The following THEMIS variants were observed in gnomAD, a reference collection of about 807,000 sequenced individuals.
THEMIS encodes the protein thymocyte selection associated, also known as protein THEMIS.
THEMIS carries 37 observed loss-of-function variants against 52.6 expected under a neutral mutation model. The observed-to-expected ratio is 0.70, with a 90% CI of 0.54 to 0.93. The LOEUF is 0.93. THEMIS is among the 40% of genes least tolerant of loss of function. THEMIS has a pLI of 0.00. For missense variants in THEMIS, 808 were observed against 763.1 expected, an observed-to-expected ratio of 1.06 and a Z score of -0.69; for synonymous variants, 292 against 272.7, an observed-to-expected ratio of 1.07 and a Z score of -0.70.
intron 4 of THEMIS, among the ~76,000 whole-genome samples, chr6:127,746,910 T>TAAA (rs1775432902): frequency 1.6e-5 from 1 of 61,294 alleles, no homozygotes; most frequent in Non-Finnish European, 2.6e-5. Context: ...TTATATTATA[T>TAAA]ATAATTATAT....
chr6:127,881,242 G>A (rs1366943126), intron 1 of THEMIS, among the ~76,000 whole-genome samples: 1 of 151,876 alleles, frequency 6.6e-6, no homozygotes, highest in African/African-American at 2.4e-5. Context: ...TTTCTTTAGT[G>A]AATGTTTTAA....
At chr6:127,810,706 A>T (rs1777875276) in intron 4 of THEMIS, among the ~76,000 whole-genome samples, 1 of 152,134 alleles carries the variant, frequency 6.6e-6, no homozygotes, top group Non-Finnish European at 1.5e-5. Flanking sequence ...GATACCCTCC[A>T]ATCGTGCCTC....
At chr6:127,703,035 G>GGTTTTTTTTTTTTTTTTTT in the THEMIS span, among the ~76,000 whole-genome samples, 69 of 82,382 alleles carry the variant, frequency 8.4e-4, 14 homozygotes, top group Middle Eastern at 7.8e-3. Context: ...TTTAGAATGA[G>GGTTTTTTTTTTTTTTTTTT]TTTTTTTTTT....
intron 4 of THEMIS, among the ~76,000 whole-genome samples, chr6:127,756,734 C>T (rs992090394): frequency 3.3e-5 from 5 of 152,112 alleles, no homozygotes; most frequent in Admixed American, 6.6e-5. Flanking sequence ...TATGAGGCTG[C>T]AGTAATGTCA....
chr6:127,731,175 T>A (rs1352798416), intron 4 of THEMIS, among the ~76,000 whole-genome samples: 1 of 152,222 alleles, frequency 6.6e-6, no homozygotes, highest in Non-Finnish European at 1.5e-5. Flanking sequence ...AATTTATTTT[T>A]CCAGGCTTTT....
At chr6:127,864,792 G>A (rs930886889) in intron 1 of THEMIS, among the ~76,000 whole-genome samples, 3 of 152,080 alleles carry the variant, frequency 2.0e-5, no homozygotes, top group Admixed American at 6.6e-5. Flanking sequence ...TCAAAGGTCC[G>A]CATATCCACT....
chr6:127,851,585 A>C (rs1779426865), intron 2 of THEMIS, among the ~76,000 whole-genome samples: 1 of 151,810 alleles, frequency 6.6e-6, no homozygotes, highest in African/African-American at 2.4e-5. Flanking sequence ...CAAGCATATG[A>C]GAAGCATATC....
In THEMIS at chr6:127,873,428, G is replaced by T. The variant is rs543487411; in HGVS notation, c.92-18240C>A. ...TACAGTAATCAGAACTGTATAGTTA[G>T]TGGCAGAGGAATAGATATACGTATT... On this transcript the variant is annotated intron_variant, in intron 1 of 5. Transcript: ENST00000368248. 3.9e-5 allele frequency among the ~76,000 whole-genome samples: 6 copies of T among 152,268 alleles called. No homozygotes were observed. In the East Asian group the frequency reaches 1.2e-3, roughly 29 times the overall value.
chr6:127,703,310 G>T (rs548337814), downstream of THEMIS, among the ~76,000 whole-genome samples: 1 of 152,118 alleles, frequency 6.6e-6, no homozygotes, highest in South Asian at 2.1e-4. Context: ...GCCTCCCAAA[G>T]TGCTGGGATT....
chr6:127,877,390 T>C (rs927568757), intron 1 of THEMIS, among the ~76,000 whole-genome samples: 2 of 152,234 alleles, frequency 1.3e-5, no homozygotes, highest in Non-Finnish European at 2.9e-5. Flanking sequence ...CTTTAGCCTA[T>C]ATTGGCTTTT....
At chr6:127,763,864 C>T (rs973211273) in intron 4 of THEMIS, among the ~76,000 whole-genome samples, 2 of 151,608 alleles carry the variant, frequency 1.3e-5, no homozygotes, top group Non-Finnish European at 2.9e-5. Context: ...GAAGTTTTTC[C>T]CTGTTTCTTT....
intron 4 of THEMIS, among the ~76,000 whole-genome samples, chr6:127,811,369 C>G (rs1302278678): frequency 2.0e-5 from 3 of 152,130 alleles, no homozygotes; most frequent in African/African-American, 7.2e-5. Flanking sequence ...CTTCTAGAGG[C>G]CATTTGTGTT....
chr6:127,834,895 G>A (rs1045736444), intron 2 of THEMIS, among the ~76,000 whole-genome samples: 13 of 152,084 alleles, frequency 8.5e-5, no homozygotes, highest in African/African-American at 3.1e-4. Context: ...CTTTATTGTA[G>A]TCACAGCTTA....
At chr6:127,717,643 A>AGTC (rs1275300584) in intron 5 of THEMIS, among the ~76,000 whole-genome samples, 1 of 151,898 alleles carries the variant, frequency 6.6e-6, no homozygotes, top group Non-Finnish European at 1.5e-5. Context: ...ATTCGTGTTC[A>AGTC]GTCATTCACA....
chr6:127,778,926 A>T (rs1424840815), intron 4 of THEMIS, among the ~76,000 whole-genome samples: 2 of 151,290 alleles, frequency 1.3e-5, no homozygotes, highest in African/African-American at 2.4e-5. Flanking sequence ...TCATTTTATG[A>T]TGCTAATTTT....
chr6:127,786,720 C>A (rs1364161667), intron 4 of THEMIS, among the ~76,000 whole-genome samples: 1 of 152,116 alleles, frequency 6.6e-6, no homozygotes, highest in Non-Finnish European at 1.5e-5. Flanking sequence ...TCTATTTCAG[C>A]ATAAAGGCAA....
intron 4 of THEMIS, among the ~76,000 whole-genome samples, chr6:127,750,253 T>G (rs570558312): frequency 6.6e-6 from 1 of 151,714 alleles, no homozygotes; most frequent in South Asian, 2.1e-4. Flanking sequence ...AAAGATATTT[T>G]CCCTTGAGTG....
intron 4 of THEMIS, among the ~76,000 whole-genome samples, chr6:127,729,586 C>A (rs1003958296): frequency 6.6e-6 from 1 of 152,082 alleles, no homozygotes; most frequent in Admixed American, 6.6e-5. Context: ...AATGTGAGTG[C>A]CTCCCCCTTG....
chr6:127,742,263 G>A (rs189046242), intron 4 of THEMIS, among the ~76,000 whole-genome samples: 84 of 149,652 alleles, frequency 5.6e-4, no homozygotes, highest in Non-Finnish European at 1.0e-3. Flanking sequence ...TGCAGTGAGC[G>A]GAGATCATGC....
Sources: allele counts gnomAD v4.1 joint callset (sites outside exome capture counted in the v4.1 genomes callset), GRCh38; gene constraint gnomAD v4.1.1; transcripts MANE v1.5; gene names NCBI Gene and HGNC (gene_info 2026-07-23, HGNC 2026-07-21).